Variants in ACSS3 observed in about 807,000 individuals in gnomAD.
The protein encoded by ACSS3 is acyl-CoA synthetase short chain family member 3.
ACSS3 carries 64 observed loss-of-function variants against 84.2 expected under a neutral mutation model. That is an observed-to-expected ratio of 0.76 (90% confidence interval 0.62 to 0.94). The LOEUF is 0.94. Among genes scored for constraint, ACSS3 ranks in the 40% least tolerant of loss-of-function variants. ACSS3 has a pLI of 0.00. For missense variants in ACSS3, 815 were observed against 867.6 expected, an observed-to-expected ratio of 0.94 and a Z score of 0.76; for synonymous variants, 317 against 310.1, an observed-to-expected ratio of 1.02 and a Z score of -0.23.
intron 7 of ACSS3, among the ~76,000 whole-genome samples, chr12:81,163,231 AT>A (rs35294413): frequency 6.6e-6 from 1 of 152,042 alleles, no homozygotes; most frequent in East Asian, 1.9e-4. Flanking sequence ...CAAAAATATT[AT>A]TTTTTTATAA....
intron 1 of ACSS3, among the ~76,000 whole-genome samples, chr12:81,083,437 A>T (rs117856431): frequency 0.019 from 2,782 of 145,232 alleles, 51 homozygotes; most frequent in African/African-American, 0.044. Context: ...TGCTCACTGC[A>T]ACCTCCATCT....
chr12:81,151,910 C>T lies in ACSS3; in HGVS notation c.988C>T (p.Leu330Phe), dbSNP rs148018840. The part of the protein sequence containing the change: ...LHWSMSSIYG[L>F]QPGEVWWAAS... ...CTGGTCAATGTCTTCCATATACGGA[C>T]TTCAACCCGGAGAGGTAATCGTGGT... is the stretch of plus-strand genomic sequence containing the variant. The change falls in exon 6 of 16, where the codon CTT (leucine) becomes TTT (phenylalanine). Residue 330 changes from leucine (L) to phenylalanine (F), a missense_variant. Coordinates refer to ENST00000548058, the MANE Select transcript of ACSS3 (RefSeq NM_024560.4). 9.0e-5 allele frequency: 146 copies of T among 1,613,722 alleles called. No homozygotes were observed. Among genetic ancestry groups the T allele is most frequent in the Non-Finnish European group, 1.2e-4 (142 of 1,179,872 alleles).
intron 2 of ACSS3, among the ~76,000 whole-genome samples, chr12:81,118,663 G>T (rs191586812): frequency 2.0e-4 from 31 of 152,268 alleles, no homozygotes; most frequent in Admixed American, 5.2e-4. Context: ...TCAATAAATT[G>T]TAAGTCCAGG....
intron 13 of ACSS3, 103 bp from the exon 14 acceptor site, chr12:81,253,204 A>G: frequency 7.9e-7 from 1 of 1,259,220 alleles, no homozygotes; most frequent in East Asian, 2.5e-5. Flanking sequence ...CCCAACTGAA[A>G]TTATATGTGT....
At chr12:81,090,464 G>T (rs1171130961) in intron 1 of ACSS3, among the ~76,000 whole-genome samples, 1 of 151,766 alleles carries the variant, frequency 6.6e-6, no homozygotes. Flanking sequence ...AATGCACAAA[G>T]CCTTCTGTAT....
chr12:81,238,265 C>T (rs2033689589), intron 13 of ACSS3, among the ~76,000 whole-genome samples: 1 of 148,328 alleles, frequency 6.7e-6, no homozygotes, highest in Admixed American at 6.8e-5. Context: ...TCATGATGGC[C>T]TCTGTCAATA....
chr12:81,254,506 CATT>C (rs1241058717), intron 15 of ACSS3, among the ~76,000 whole-genome samples: 1 of 151,972 alleles, frequency 6.6e-6, no homozygotes, highest in African/African-American at 2.4e-5. Flanking sequence ...CTATTTTTAT[CATT>C]AAGATAATAA....
At chr12:81,152,336 A>T (rs1302548657) in intron 7 of ACSS3, among the ~76,000 whole-genome samples, 1 of 101,416 alleles carries the variant, frequency 9.9e-6, no homozygotes, top group Non-Finnish European at 2.4e-5. Flanking sequence ...AACAAGCTTT[A>T]TATCTATCCC....
chr12:81,099,604 A>G (rs1882341463), intron 1 of ACSS3, among the ~76,000 whole-genome samples: 1 of 152,174 alleles, frequency 6.6e-6, no homozygotes, highest in Admixed American at 6.5e-5. Flanking sequence ...TGGAATTGAG[A>G]GAAACATTTT....
rs1565746614 is a variant in ACSS3, at chr12:81,253,336, C to T, written c.1749C>T (p.Asp583=). 6.2e-7 allele frequency: 1 copy of T among 1,613,876 alleles called. No individual in the cohort carries two copies. Among genetic ancestry groups the T allele is most frequent in the Non-Finnish European group, 8.5e-7 (1 of 1,179,876 alleles). ...ESILSHGTVA[D]CAVVGKEDPL... ...TCCTTTCCCATGGTACCGTGGCAGA[C>T]TGTGCTGTTGTTGGCAAGGAAGATC... The change falls in exon 14 of 16, where the codon GAC becomes GAT. Residue 583 remains aspartate (D), a synonymous_variant. Coordinates refer to ENST00000548058, the MANE Select transcript of ACSS3 (RefSeq NM_024560.4).
chr12:81,213,705 CCCCTCCGCTCCCCTCCG>C (rs2032721929), intron 9 of ACSS3, among the ~76,000 whole-genome samples: 1 of 73,830 alleles, frequency 1.4e-5, no homozygotes, highest in South Asian at 7.4e-4. Context: ...GCCCTCCTCT[CCCCTCCGCTCCCCTCCG>C]CTCCCCTCCG....
intron 11 of ACSS3, among the ~76,000 whole-genome samples, chr12:81,222,502 G>A (rs575017406): frequency 3.3e-4 from 50 of 152,086 alleles, no homozygotes; most frequent in Non-Finnish European, 5.7e-4. Flanking sequence ...AACTTAAAAA[G>A]GATTCACATA....
chr12:81,116,375 AGT>A (rs1372649794), intron 2 of ACSS3, among the ~76,000 whole-genome samples: 1 of 152,098 alleles, frequency 6.6e-6, no homozygotes, highest in East Asian at 1.9e-4. Context: ...CACAATTATA[AGT>A]GTCTAAAGAT....
chr12:81,143,072 A>C (rs760638215), intron 4 of ACSS3, 35 bp from the exon 5 acceptor site: 21 of 1,579,050 alleles, frequency 1.3e-5, no homozygotes, highest in Non-Finnish European at 1.7e-6. Flanking sequence ...TAATCTCCTT[A>C]TTACAGTACA....
intron 9 of ACSS3, among the ~76,000 whole-genome samples, chr12:81,210,273 G>A (rs147776182): frequency 1.5e-3 from 223 of 152,262 alleles, no homozygotes; most frequent in Non-Finnish European, 1.4e-3. Flanking sequence ...GCTGAATGGG[G>A]TGATGATATT....
intron 9 of ACSS3, among the ~76,000 whole-genome samples, chr12:81,207,209 A>G (rs1441824845): frequency 6.6e-6 from 1 of 152,156 alleles, no homozygotes; most frequent in Non-Finnish European, 1.5e-5. Flanking sequence ...AGCAAGAGTT[A>G]TCTATACCTT....
chr12:81,107,323 C>T (rs1883097782), intron 1 of ACSS3, among the ~76,000 whole-genome samples: 1 of 151,388 alleles, frequency 6.6e-6, no homozygotes, highest in African/African-American at 2.4e-5. Context: ...AAAGTAAATT[C>T]TGTGGAATTG....
intron 13 of ACSS3, among the ~76,000 whole-genome samples, chr12:81,247,855 G>A (rs534001696): frequency 3.3e-4 from 50 of 152,154 alleles, no homozygotes; most frequent in Middle Eastern, 3.4e-3. Flanking sequence ...TGCCAGTGGT[G>A]AATACCATAT....
intron 11 of ACSS3, among the ~76,000 whole-genome samples, chr12:81,228,485 G>A (rs929068301): frequency 1.3e-5 from 2 of 151,788 alleles, no homozygotes; most frequent in African/African-American, 2.4e-5. Context: ...GGGAGACGAC[G>A]TATGCTTTCA....
Sources: allele counts gnomAD v4.1 joint callset (sites outside exome capture counted in the v4.1 genomes callset), GRCh38; gene constraint gnomAD v4.1.1; transcripts MANE v1.5; gene names NCBI Gene and HGNC (gene_info 2026-07-23, HGNC 2026-07-21).